GALNT16: variants seen among roughly 807,000 people sequenced by gnomAD.
GALNT16 encodes the protein UDP-GalNAc:polypeptide N-acetylgalactosaminyltransferase-like protein 1.
A neutral mutation model predicts 76.1 loss-of-function variants in GALNT16; 40 were observed. The ratio of observed to expected loss-of-function variants is 0.53; its 90% confidence interval spans 0.41 to 0.68. GALNT16 has a LOEUF of 0.68. GALNT16 is among the 30% of genes least tolerant of loss of function. The pLI is 0.00. For synonymous variants in GALNT16, 276 were observed against 285.2 expected, an observed-to-expected ratio of 0.97 and a Z score of 0.32; for missense variants, 621 against 731.9, an observed-to-expected ratio of 0.85 and a Z score of 1.75.
chr14:69,308,197 A>T (rs1197390187), intron 1 of GALNT16, among the ~76,000 whole-genome samples: 1 of 152,234 alleles, frequency 6.6e-6, no homozygotes, highest in East Asian at 1.9e-4. Context: ...GATGATGATA[A>T]TGATGACAGT....
chr14:69,362,683 G>A, the GALNT16 span, among the ~76,000 whole-genome samples: 1 of 152,230 alleles, frequency 6.6e-6, no homozygotes, highest in Non-Finnish European at 1.5e-5. Flanking sequence ...ATGGGAAAAT[G>A]TCTGTCATCA....
chr14:69,309,291 T>G (rs1293693751), intron 1 of GALNT16, among the ~76,000 whole-genome samples: 1 of 151,348 alleles, frequency 6.6e-6, no homozygotes, highest in Non-Finnish European at 1.5e-5. Context: ...TTTCTTCCTT[T>G]CTTTTCCTTC....
chr14:69,337,165 G>C (rs2045425682), intron 9 of GALNT16, among the ~76,000 whole-genome samples: 1 of 152,194 alleles, frequency 6.6e-6, no homozygotes. Context: ...AAAATTTGCT[G>C]AGTGAACTAA....
At chr14:69,344,569 C>T (rs1039659160) in intron 12 of GALNT16, among the ~76,000 whole-genome samples, 8 of 152,310 alleles carry the variant, frequency 5.3e-5, no homozygotes, top group South Asian at 2.1e-4. Context: ...AGGATGGTGA[C>T]GACTGCTATT....
chr14:69,269,436 C>G (rs1245005007), intron 1 of GALNT16, among the ~76,000 whole-genome samples: 1 of 147,088 alleles, frequency 6.8e-6, no homozygotes, highest in Admixed American at 6.8e-5. Flanking sequence ...TGTGGTATGT[C>G]TGGTGTGTGT....
At chr14:69,360,883 G>A (rs1407822172), downstream of GALNT16, among the ~76,000 whole-genome samples, 1 of 152,220 alleles carries the variant, frequency 6.6e-6, no homozygotes, top group East Asian at 1.9e-4. Context: ...GTGTCACCAC[G>A]TGGTGCAGAA....
intron 1 of GALNT16, among the ~76,000 whole-genome samples, chr14:69,283,538 C>T (rs1275577238): frequency 2.0e-5 from 3 of 152,072 alleles, no homozygotes; most frequent in Non-Finnish European, 4.4e-5. Flanking sequence ...GTGTAATGTG[C>T]CAGGGAGCTT....
At chr14:69,300,573 G>A (rs1325438141) in intron 1 of GALNT16, among the ~76,000 whole-genome samples, 1 of 152,194 alleles carries the variant, frequency 6.6e-6, no homozygotes, top group Non-Finnish European at 1.5e-5. Context: ...ATTGATTTGA[G>A]TCATCTGCAG....
At chr14:69,347,005 G>C (rs180882601) in intron 12 of GALNT16, 35 bp from the exon 13 acceptor site, 9 of 1,613,520 alleles carry the variant, frequency 5.6e-6, no homozygotes, top group Non-Finnish European at 7.6e-6. Context: ...CCTTGGGGGG[G>C]AAAGCACAAG....
In GALNT16 at chr14:69,333,453, CTTCT is replaced by C. The variant is rs762119715; in HGVS notation, c.864-43_864-40del. 4.9e-6 allele frequency: 6 copies of C among 1,223,700 alleles called. No individual in the cohort carries two copies. Among genetic ancestry groups the C allele is most frequent in the Non-Finnish European group, 7.3e-6 (6 of 825,338 alleles). 75.8% of individuals were successfully genotyped at this position (1,223,700 alleles called of 1,614,324 possible). ...TGGGGCCATCTAAAGGGCCTCCTTG[CTTCT>C]CCAGCTCACGTGTTGCGTCTTCCCT... On this transcript the variant is annotated intron_variant, in intron 8 of 14. Transcript: ENST00000448469. The surrounding 1 kb of genome is among the most constrained non-coding windows in gnomAD (Gnocchi z 4.2).
At chr14:69,314,876 C>G (rs1025958927) in intron 1 of GALNT16, among the ~76,000 whole-genome samples, 6 of 152,274 alleles carry the variant, frequency 3.9e-5, no homozygotes, top group Middle Eastern at 3.4e-3. Context: ...AGCCTTTTTA[C>G]TTGCAGTTTC....
chr14:69,284,754 T>C (rs1203165223), intron 1 of GALNT16, among the ~76,000 whole-genome samples: 1 of 152,144 alleles, frequency 6.6e-6, no homozygotes, highest in East Asian at 1.9e-4. Context: ...GTAGTTCCCA[T>C]AATCCCCATG....
chr14:69,320,495 A>G (rs928082211), intron 1 of GALNT16, among the ~76,000 whole-genome samples: 1 of 124,228 alleles, frequency 8.0e-6, no homozygotes, highest in African/African-American at 2.8e-5. Flanking sequence ...GTCAAAAAAA[A>G]GAAAAAAAAA....
chr14:69,346,950 C>T, intron 12 of GALNT16, 90 bp from the exon 13 acceptor site: 1 of 1,542,962 alleles, frequency 6.5e-7, no homozygotes, highest in African/African-American at 1.4e-5. Flanking sequence ...CTCGGCGCTC[C>T]CAGAGCTGAT....
intron 5 of GALNT16, among the ~76,000 whole-genome samples, chr14:69,328,245 C>A (rs1295146725): frequency 2.0e-5 from 3 of 151,958 alleles, no homozygotes; most frequent in Admixed American, 1.3e-4. Flanking sequence ...CGGGGTGTGA[C>A]CCTGGAGTGA....
At chr14:69,264,506 A>C (rs1373628913) in intron 1 of GALNT16, among the ~76,000 whole-genome samples, 1 of 152,198 alleles carries the variant, frequency 6.6e-6, no homozygotes, top group Non-Finnish European at 1.5e-5. Flanking sequence ...CCTCGCAGGA[A>C]GCCCCCACTT....
chr14:69,288,230 G>A (rs949270927), intron 1 of GALNT16, among the ~76,000 whole-genome samples: 9 of 152,192 alleles, frequency 5.9e-5, no homozygotes, highest in African/African-American at 2.2e-4. Flanking sequence ...TGCACAGCTT[G>A]TTTGGACAGA....
chr14:69,363,007 T>C, the GALNT16 span, among the ~76,000 whole-genome samples: 5 of 152,264 alleles, frequency 3.3e-5, no homozygotes, highest in Non-Finnish European at 7.3e-5. Context: ...AGCAGGGGAC[T>C]TGATGTTTCA....
chr14:69,343,852 G>T (rs994604654), intron 12 of GALNT16, among the ~76,000 whole-genome samples: 2 of 152,242 alleles, frequency 1.3e-5, no homozygotes, highest in Non-Finnish European at 2.9e-5. Context: ...AACCTGGCTC[G>T]ATCACAAGGC....
Sources: allele counts gnomAD v4.1 joint callset (sites outside exome capture counted in the v4.1 genomes callset), GRCh38; gene constraint gnomAD v4.1.1; non-coding constraint Gnocchi (gnomAD v3.1); transcripts MANE v1.5; gene names NCBI Gene and HGNC (gene_info 2026-07-23, HGNC 2026-07-21).